The following FSTL4 variants were observed in gnomAD, a reference collection of about 807,000 sequenced individuals.
FSTL4 encodes follistatin-related protein 4.
In FSTL4, 28 loss-of-function variants were observed where a neutral mutation model predicts 78.2. The ratio of observed to expected loss-of-function variants is 0.36; its 90% confidence interval spans 0.27 to 0.49. The LOEUF (loss-of-function observed/expected upper bound fraction) is 0.49. Among genes scored for constraint, FSTL4 ranks in the 20% least tolerant of loss-of-function variants. The pLI, the probability that FSTL4 is intolerant of heterozygous loss-of-function variation, is 0.98. For missense variants in FSTL4, 922 were observed against 1,084.9 expected, an observed-to-expected ratio of 0.85 and a Z score of 2.11; for synonymous variants, 422 against 440.5, an observed-to-expected ratio of 0.96 and a Z score of 0.53.
the FSTL4 span, among the ~76,000 whole-genome samples, chr5:133,678,510 T>C: frequency 1.3e-5 from 2 of 152,006 alleles, no homozygotes; most frequent in African/African-American, 4.8e-5. Flanking sequence ...TCAATGTTGG[T>C]AGCATTAACC....
At chr5:133,434,933 CCT>C (rs1285536984) in intron 3 of FSTL4, among the ~76,000 whole-genome samples, 1 of 151,678 alleles carries the variant, frequency 6.6e-6, no homozygotes, top group Non-Finnish European at 1.5e-5. Context: ...GTGTGTGTGC[CCT>C]CTGTTCATGT....
intron 3 of FSTL4, among the ~76,000 whole-genome samples, chr5:133,460,673 T>A (rs1757574337): frequency 6.6e-6 from 1 of 152,194 alleles, no homozygotes; most frequent in East Asian, 1.9e-4. Flanking sequence ...GGAAACTTTC[T>A]ACAGGGAGTA....
intron 14 of FSTL4, among the ~76,000 whole-genome samples, chr5:133,206,899 T>G (rs1227249188): frequency 4.1e-5 from 6 of 147,988 alleles, no homozygotes; most frequent in Admixed American, 2.1e-4. Flanking sequence ...TACAGCTTTC[T>G]CTGTATCCTG....
intron 6 of FSTL4, among the ~76,000 whole-genome samples, chr5:133,275,230 C>T (rs1752853991): frequency 6.6e-6 from 1 of 151,484 alleles, no homozygotes; most frequent in Non-Finnish European, 1.5e-5. Context: ...CACCACTGTA[C>T]TCCAGCCTCG....
rs1750202414 is a variant in FSTL4, at chr5:133,198,303, T to C, written c.*792A>G. 6.6e-6 allele frequency: 1 copy of C among 152,536 alleles called. No homozygotes were observed. Among genetic ancestry groups the C allele is most frequent in the African/African-American group, 2.4e-5 (1 of 41,388 alleles). The allele number at this position is 152,536 out of a possible 1,614,324, so 9.4% of individuals were successfully genotyped here. A position where few individuals can be genotyped will look rare whatever the true frequency, so the allele number is the denominator to read the frequency against. Reference sequence around the variant, plus strand: ...TTACGGATGAGGTGGCCTGGTCTGCTCTTGGAGAAGCAGGGTGGCAATAGT... The same window carrying C: ...TTACGGATGAGGTGGCCTGGTCTGCCCTTGGAGAAGCAGGGTGGCAATAGT... On this transcript the variant is annotated 3_prime_UTR_variant, in exon 16 of 16. Transcript: ENST00000265342.
rs1222760193 is a variant in FSTL4 at position 133,379,947 on chromosome 5, C to T, written c.409+20791G>A. 3.3e-5 allele frequency among the ~76,000 whole-genome samples: 5 copies of T among 151,694 alleles called. 1 individual carries two copies. The highest frequency in any genetic ancestry group is 1.3e-4 in the Admixed American group (2 of 15,236). ...AAAATTAGCTGGGTGTGGTGGCTTGCGCCTGTAGTCTCAGCTACTCGGGAG... is the reference window on the plus strand; with the variant it reads ...AAAATTAGCTGGGTGTGGTGGCTTGTGCCTGTAGTCTCAGCTACTCGGGAG... On this transcript the variant is annotated intron_variant, in intron 4 of 15. Coordinates refer to ENST00000265342, the MANE Select transcript of FSTL4 (RefSeq NM_015082.2).
chr5:133,456,490 G>C (rs1006622418), intron 3 of FSTL4, among the ~76,000 whole-genome samples: 1 of 152,180 alleles, frequency 6.6e-6, no homozygotes, highest in African/African-American at 2.4e-5. Flanking sequence ...GCTTAGGGAG[G>C]GGGAAAACCA....
intron 14 of FSTL4, among the ~76,000 whole-genome samples, chr5:133,204,893 C>CAAAG (rs1410269904): frequency 1.3e-5 from 2 of 151,552 alleles, no homozygotes; most frequent in Middle Eastern, 3.4e-3. Flanking sequence ...TGGCTCACCA[C>CAAAG]AAAGACTATG....
intron 2 of FSTL4, chr5:133,574,756 A>C (rs1354007784): frequency 6.6e-6 from 1 of 152,102 alleles, no homozygotes; most frequent in Non-Finnish European, 1.5e-5. Flanking sequence ...AAAAGAAAAA[A>C]CTCTGCAACA....
chr5:133,438,489 G>A (rs1319312013), intron 3 of FSTL4, among the ~76,000 whole-genome samples: 1 of 152,222 alleles, frequency 6.6e-6, no homozygotes, highest in African/African-American at 2.4e-5. Context: ...AAGAATATAT[G>A]AAGTCCCTGA....
At chr5:133,787,977 G>C in the FSTL4 span, among the ~76,000 whole-genome samples, 1 of 152,218 alleles carries the variant, frequency 6.6e-6, no homozygotes, top group Non-Finnish European at 1.5e-5. Flanking sequence ...TCGGTAAGTG[G>C]TCGTGAATGA....
chr5:133,668,296 G>C, the FSTL4 span, among the ~76,000 whole-genome samples: 2 of 152,106 alleles, frequency 1.3e-5, no homozygotes, highest in Non-Finnish European at 2.9e-5. Flanking sequence ...GGGGTCAGGG[G>C]GTATGGGTGA....
chr5:133,435,270 C>A (rs1177441149), intron 3 of FSTL4, among the ~76,000 whole-genome samples: 3 of 152,182 alleles, frequency 2.0e-5, no homozygotes, highest in Non-Finnish European at 4.4e-5. Context: ...TTCTGCAGAA[C>A]ATGAAACACC....
At chr5:133,354,323 C>T (rs945649267) in intron 4 of FSTL4, among the ~76,000 whole-genome samples, 4 of 152,180 alleles carry the variant, frequency 2.6e-5, no homozygotes, top group Non-Finnish European at 5.9e-5. Flanking sequence ...GCGCACAATC[C>T]CTATTGCTGA....
chr5:133,778,352 A>G, the FSTL4 span, among the ~76,000 whole-genome samples: 2 of 152,022 alleles, frequency 1.3e-5, no homozygotes, highest in South Asian at 4.2e-4. Context: ...AAAAAAAAAA[A>G]TGTCCCTTGG....
At chr5:133,498,331 AAC>A (rs1467326072) in intron 3 of FSTL4, among the ~76,000 whole-genome samples, 1 of 152,212 alleles carries the variant, frequency 6.6e-6, no homozygotes, top group Non-Finnish European at 1.5e-5. Context: ...TAAGAATTGC[AAC>A]ACAGAGGTGG....
the FSTL4 span, among the ~76,000 whole-genome samples, chr5:133,764,737 A>C: frequency 6.6e-6 from 1 of 152,214 alleles, no homozygotes; most frequent in East Asian, 1.9e-4. Flanking sequence ...GGTTCTGTTC[A>C]AATACCACCA....
At chr5:133,782,794 GT>G in the FSTL4 span, among the ~76,000 whole-genome samples, 1 of 152,210 alleles carries the variant, frequency 6.6e-6, no homozygotes, top group South Asian at 2.1e-4. Flanking sequence ...GTCCCTGCCT[GT>G]TTCCCTCAGA....
chr5:133,214,039 A>T (rs1192518808), intron 13 of FSTL4, among the ~76,000 whole-genome samples: 1 of 152,246 alleles, frequency 6.6e-6, no homozygotes, highest in Non-Finnish European at 1.5e-5. Context: ...AAGGAAAATG[A>T]TATAATTTTA....
Sources: allele counts gnomAD v4.1 joint callset (sites outside exome capture counted in the v4.1 genomes callset), GRCh38; gene constraint gnomAD v4.1.1; transcripts MANE v1.5; gene names NCBI Gene and HGNC (gene_info 2026-07-23, HGNC 2026-07-21).